CHD1: variants seen among roughly 807,000 people sequenced by gnomAD.
CHD1 encodes ATP-dependent chromatin remodeler CHD1.
CHD1 carries 36 observed loss-of-function variants against 224.2 expected under a neutral mutation model. The observed-to-expected ratio is 0.16, with a 90% CI of 0.12 to 0.21. The LOEUF is 0.21. Among genes scored for constraint, CHD1 ranks in the 10% least tolerant of loss-of-function variants. CHD1 has a pLI of 1.00. For missense variants in CHD1, 1,378 were observed against 1,994.8 expected (o/e 0.69, Z 5.89); for synonymous variants, 668 against 658.3 (o/e 1.01, Z -0.23).
intron 2 of CHD1, among the ~76,000 whole-genome samples, chr5:98,913,518 A>C (rs1752553085): frequency 6.6e-6 from 1 of 152,146 alleles, no homozygotes; most frequent in African/African-American, 2.4e-5. Context: ...TCTTGAAAGA[A>C]TTTTTGGACG....
rs1009940800 is a variant in CHD1, at chr5:98,854,424, T to C, written c.*1956A>G. The C allele has an allele frequency of 2.6e-5, 4 of 152,100 alleles. No individual in the cohort carries two copies. Among genetic ancestry groups the C allele is most frequent in the African/African-American group, 7.2e-5 (3 of 41,458 alleles). 9.4% of individuals were successfully genotyped at this position (152,100 alleles called of 1,614,324 possible). On this transcript the variant is annotated 3_prime_UTR_variant, in exon 36 of 36. Transcript: ENST00000614616. ...CCACCATCTTATGACTTAAGCATTA[T>C]GAATTAGTCAAATGCTATCTTGTGG...
At chr5:98,877,472 C>G (rs1295410305) in intron 23 of CHD1, among the ~76,000 whole-genome samples, 1 of 152,080 alleles carries the variant, frequency 6.6e-6, no homozygotes, top group Non-Finnish European at 1.5e-5. Flanking sequence ...TATTGCTATT[C>G]TAACTAGACA....
chr5:98,893,223 T>C (rs1195195217), intron 14 of CHD1, among the ~76,000 whole-genome samples, 193 bp downstream of exon 14: 1 of 152,174 alleles, frequency 6.6e-6, no homozygotes, highest in Non-Finnish European at 1.5e-5. Context: ...ATGGCTTAAG[T>C]TTATTAACAA....
At chr5:98,906,819 T>A (rs1752078018) in intron 2 of CHD1, among the ~76,000 whole-genome samples, 1 of 152,180 alleles carries the variant, frequency 6.6e-6, no homozygotes, top group Admixed American at 6.5e-5. Flanking sequence ...CAATAAAGTA[T>A]CTCCTCTGAA....
chr5:98,916,961 T>G (rs1752773082), intron 2 of CHD1, among the ~76,000 whole-genome samples: 1 of 152,174 alleles, frequency 6.6e-6, no homozygotes, highest in Admixed American at 6.5e-5. Flanking sequence ...AACTGAGGAC[T>G]GAATCATTTA....
intron 35 of CHD1, among the ~76,000 whole-genome samples, chr5:98,857,953 C>T (rs1254986568): frequency 6.6e-6 from 1 of 152,020 alleles, no homozygotes; most frequent in Non-Finnish European, 1.5e-5. Flanking sequence ...CCCTACATCA[C>T]CTTACTACAT....
In CHD1 at chr5:98,875,612, G is replaced by A. The variant is rs183946423; in HGVS notation, c.3399-499C>T. Among the ~76,000 whole-genome samples the A allele has an allele frequency of 2.5e-4, 38 of 152,248 alleles. No homozygotes were observed. In the East Asian group the frequency reaches 6.2e-3, roughly 25 times the overall value. On this transcript the variant is annotated intron_variant, in intron 24 of 35. Transcript: ENST00000614616. ...AAAATATCCAGGTAAAGTAGAAGTC[G>A]AAATGCTTCCTCAACTAAAGACGAA...
intron 15 of CHD1, among the ~76,000 whole-genome samples, chr5:98,890,371 T>C (rs542628102): frequency 6.6e-6 from 1 of 152,250 alleles, no homozygotes; most frequent in South Asian, 2.1e-4. Context: ...ACGAAACCCA[T>C]GGACAATGCT....
rs146779749 is a variant in CHD1, at chr5:98,894,672, T to C, written c.1725A>G (p.Glu575=). 763 of 1,477,972 alleles carry C rather than the reference T, an allele frequency of 5.2e-4. 2 individuals are homozygous for C. The highest frequency in any genetic ancestry group is 6.6e-4 in the Non-Finnish European group (705 of 1,075,580). The allele number at this position is 1,477,972 out of a possible 1,614,324, so 91.6% of individuals were successfully genotyped here. The change falls in exon 13 of 36, where the codon GAA becomes GAG. Residue 575 remains glutamate, a synonymous_variant. Transcript: ENST00000614616. ...ACCGTTTGGTCTGATGATGCGTCCATTCATGAGTTCTTATCTATTAAGAAA... is the reference window on the plus strand; with the variant it reads ...ACCGTTTGGTCTGATGATGCGTCCACTCATGAGTTCTTATCTATTAAGAAA... ...INSRNMIRTH[E]WTHHQTKRLK...
chr5:98,923,932 C>T (rs779608228), intron 2 of CHD1, among the ~76,000 whole-genome samples: 30 of 152,272 alleles, frequency 2.0e-4, no homozygotes, highest in Admixed American at 2.6e-4. Flanking sequence ...GGTATTTCTA[C>T]CTACTAACCA....
At chr5:98,898,514 C>T (rs917504426) in intron 9 of CHD1, 80 bp from the exon 10 acceptor site, 42 of 1,318,082 alleles carry the variant, frequency 3.2e-5, no homozygotes, top group Non-Finnish European at 4.1e-5. Context: ...TTAGTAAAGG[C>T]TACACAAGTA....
chr5:98,870,906 C>G, intron 28 of CHD1, 103 bp from the exon 29 acceptor site: 1 of 533,804 alleles, frequency 1.9e-6, no homozygotes, highest in South Asian at 4.4e-5. Flanking sequence ...AGTTCACCAA[C>G]AAGTTTCAAT....
intron 2 of CHD1, among the ~76,000 whole-genome samples, chr5:98,905,797 A>G (rs162339): frequency 6.6e-6 from 1 of 152,176 alleles, no homozygotes; most frequent in South Asian, 2.1e-4. Flanking sequence ...CATTTCATAA[A>G]CTATCCTTTT....
chr5:98,911,144 A>ATACATATATATATATAT (rs1321937045), intron 2 of CHD1, among the ~76,000 whole-genome samples: 1 of 73,750 alleles, frequency 1.4e-5, no homozygotes, highest in Admixed American at 1.3e-4. Flanking sequence ...AAAAAAAAAA[A>ATACATATATATATATAT]AAATATATAT....
intron 1 of CHD1, among the ~76,000 whole-genome samples, chr5:98,926,899 CTT>C (rs1400471302): frequency 3.6e-5 from 4 of 110,100 alleles, no homozygotes; most frequent in Non-Finnish European, 6.7e-5. Context: ...TATTAGATAA[CTT>C]GGTCGAATAA....
chr5:98,872,271 G>C, intron 27 of CHD1, 70 bp from the exon 28 acceptor site: 1 of 1,516,672 alleles, frequency 6.6e-7, no homozygotes, highest in Non-Finnish European at 8.9e-7. Flanking sequence ...TTTGAAAAAC[G>C]TGAGTCATTA....
At chr5:98,889,013 TTG>T in intron 16 of CHD1, 61 bp downstream of exon 16, 1 of 1,183,904 alleles carries the variant, frequency 8.4e-7, no homozygotes, top group Non-Finnish European at 1.2e-6. Flanking sequence ...CCATTTTCGA[TTG>T]TAAGTGAAAT....
rs767300164 is a variant in CHD1 at position 98,869,618 on chromosome 5, GCGCGCACACA to G, written c.4107+126_4107+135del. 2.5e-5 allele frequency: 20 copies of G among 795,968 alleles called. No individual in the cohort carries two copies. In the African/African-American group the frequency reaches 2.5e-4, roughly 10 times the overall value. 49.3% of individuals were successfully genotyped at this position (795,968 alleles called of 1,614,324 possible). A position where few individuals can be genotyped will look rare whatever the true frequency, so the allele number is the denominator to read the frequency against. ...GAACTATAAGTGCGTGCGCACGTGC[GCGCGCACACA>G]CACACACACACACACACACACACAG... is the stretch of plus-strand genomic sequence containing the variant. On this transcript the variant is annotated intron_variant, in intron 30 of 35. Transcript: ENST00000614616.
At position 98,917,245 on chromosome 5, in the gene CHD1, C is replaced by T. The variant is rs183843765; in HGVS notation, c.53+9089G>A. 2.7e-3 allele frequency among the ~76,000 whole-genome samples: 378 copies of T among 138,890 alleles called. 1 individual carries two copies. Among genetic ancestry groups the T allele is most frequent in the Non-Finnish European group, 4.3e-3 (282 of 66,198 alleles). 91.1% of individuals were successfully genotyped at this position (138,890 alleles called of 152,430 possible). ...ACATCACCAGGACATTTTTAACATACGTGAAATTTAAGATTATCATGGTTT... is the reference window on the plus strand; with the variant it reads ...ACATCACCAGGACATTTTTAACATATGTGAAATTTAAGATTATCATGGTTT... On this transcript the variant is annotated intron_variant, in intron 2 of 35. Coordinates refer to ENST00000614616, the MANE Select transcript of CHD1 (RefSeq NM_001270.4).
Sources: gnomAD v4.1 joint callset for allele counts (sites outside exome capture counted in the v4.1 genomes callset) on GRCh38, gnomAD v4.1.1 for gene constraint, MANE v1.5 for transcripts, NCBI Gene and HGNC (gene_info 2026-07-23, HGNC 2026-07-21) for gene names.